Variants in ASAP2 observed in about 807,000 individuals in gnomAD.
The protein encoded by ASAP2 is arf-GAP with SH3 domain, ANK repeat and PH domain-containing protein 2.
In ASAP2, 45 loss-of-function variants were observed where a neutral mutation model predicts 131.4. The observed-to-expected ratio is 0.34, with a 90% CI of 0.27 to 0.44. The LOEUF (loss-of-function observed/expected upper bound fraction) is 0.44. Ranked by LOEUF, ASAP2 falls within the 20% of genes least tolerant of loss-of-function variation. ASAP2 has a pLI of 1.00. For missense variants in ASAP2, 1,011 were observed against 1,297.0 expected (o/e 0.78, Z 3.39); for synonymous variants, 510 against 503.0 (o/e 1.01, Z -0.19).
Position 9,232,507 on chromosome 2 carries a change from C to T in ASAP2, c.126+25277C>T, listed in dbSNP as rs142056804. 5.3e-4 allele frequency among the ~76,000 whole-genome samples: 81 copies of T among 152,334 alleles called. No homozygotes were observed. The highest frequency in any genetic ancestry group is 1.9e-3 in the African/African-American group (81 of 41,570). On this transcript the variant is annotated intron_variant, in intron 1 of 27. Coordinates refer to ENST00000281419, the MANE Select transcript of ASAP2 (RefSeq NM_003887.3). This position sits in a 1 kb window ranked among gnomAD's most constrained non-coding sequence, Gnocchi z 4.1. ...GATCTTGGAAGTGCAGAGAACTTGT[C>T]TGATTTGTTTAACCACCTCACTTAG...
intron 1 of ASAP2, among the ~76,000 whole-genome samples, chr2:9,258,184 T>C (rs1364858936): frequency 1.3e-5 from 2 of 151,832 alleles, no homozygotes; most frequent in East Asian, 3.9e-4. Flanking sequence ...TCATTAAAAA[T>C]TACCTTTGGC....
intron 9 of ASAP2, among the ~76,000 whole-genome samples, chr2:9,336,652 A>C (rs1671223810): frequency 6.6e-6 from 1 of 152,222 alleles, no homozygotes; most frequent in Non-Finnish European, 1.5e-5. Context: ...ATTTAGTGCT[A>C]GAAAGGACCT....
At chr2:9,285,648 C>T (rs1667413432) in intron 2 of ASAP2, among the ~76,000 whole-genome samples, 1 of 152,186 alleles carries the variant, frequency 6.6e-6, no homozygotes, top group South Asian at 2.1e-4. Flanking sequence ...GTGTTCCTTC[C>T]ACACCCCAGG....
intron 24 of ASAP2, among the ~76,000 whole-genome samples, chr2:9,396,856 G>A (rs547332677): frequency 2.0e-4 from 31 of 152,262 alleles, no homozygotes; most frequent in Non-Finnish European, 3.2e-4. Flanking sequence ...ACAAAAATTA[G>A]CCGGGCATGA....
Position 9,378,971 on chromosome 2 carries a change from A to T in ASAP2, c.1860A>T (p.Lys620Asn). 1.3e-6 allele frequency: 2 copies of T among 1,516,682 alleles called. No individual in the cohort carries two copies. The highest frequency in any genetic ancestry group is 1.8e-6 in the Non-Finnish European group (2 of 1,127,946). 94.0% of individuals were successfully genotyped at this position (1,516,682 alleles called of 1,614,324 possible). A position where few individuals can be genotyped will look rare whatever the true frequency, so the allele number is the denominator to read the frequency against. ...GGAACCTGGATAAACAGACAGGGAA[A>T]GGCAGCACAGCCCTGCACTACTGCT... ...NSGNLDKQTGKGSTALHYCCL... is the reference protein window; with the variant it reads ...NSGNLDKQTGNGSTALHYCCL... The change falls in exon 19 of 28, where the codon AAA (lysine) becomes AAT (asparagine). Residue 620 changes from lysine (K) to asparagine (N), a missense_variant. By Grantham distance (94) the Lys-to-Asn change is moderately conservative. Coordinates refer to ENST00000281419, the MANE Select transcript of ASAP2 (RefSeq NM_003887.3).
chr2:9,275,494 C>T (rs1401790439), intron 1 of ASAP2, among the ~76,000 whole-genome samples: 1 of 152,214 alleles, frequency 6.6e-6, no homozygotes, highest in African/African-American at 2.4e-5. Flanking sequence ...GCACAGATCT[C>T]CCTGGCTGGC....
intron 1 of ASAP2, among the ~76,000 whole-genome samples, chr2:9,278,504 C>A (rs1666902258): frequency 1.4e-5 from 2 of 138,282 alleles, no homozygotes; most frequent in Non-Finnish European, 1.6e-5. Flanking sequence ...CAGAGCGAGA[C>A]CCCTTCTCAA....
Position 9,227,291 on chromosome 2 carries a change from G to A in ASAP2, c.126+20061G>A, listed in dbSNP as rs377103929. On this transcript the variant is annotated intron_variant, in intron 1 of 27. Coordinates refer to ENST00000281419, the MANE Select transcript of ASAP2 (RefSeq NM_003887.3). ...TGTGAAGTGGGGGACTTGGGGTTGT[G>A]CGCCCCTGTGCCCTGCAGTGCCTGA... 5.9e-4 allele frequency among the ~76,000 whole-genome samples: 90 copies of A among 152,264 alleles called. 1 individual carries two copies. Among genetic ancestry groups the A allele is most frequent in the African/African-American group, 2.0e-3 (82 of 41,546 alleles).
chr2:9,273,219 T>G (rs1558286283), intron 1 of ASAP2, among the ~76,000 whole-genome samples: 1 of 152,238 alleles, frequency 6.6e-6, no homozygotes, highest in Non-Finnish European at 1.5e-5. Flanking sequence ...CTCTTCAATT[T>G]CTTACATCAT....
At chr2:9,254,221 AAAAAAAAAAAAAAAAATATAT>A in intron 1 of ASAP2, among the ~76,000 whole-genome samples, 1 of 103,286 alleles carries the variant, frequency 9.7e-6, no homozygotes, top group South Asian at 2.8e-4. Flanking sequence ...AAAAAAAAAA[AAAAAAAAAAAAAAAAATATAT>A]ATATATATAT....
intron 24 of ASAP2, among the ~76,000 whole-genome samples, chr2:9,398,522 C>G (rs1351412515): frequency 6.6e-6 from 1 of 151,282 alleles, no homozygotes; most frequent in Admixed American, 6.6e-5. Context: ...AAAACAAACA[C>G]AAAGGCCAGG....
At chr2:9,379,152 A>G in intron 19 of ASAP2, 93 bp downstream of exon 19, 1 of 821,054 alleles carries the variant, frequency 1.2e-6, no homozygotes. Flanking sequence ...AAACAGGGCC[A>G]ACCCTGTGGG....
chr2:9,400,248 CTTCCCCTCCTGCCCT>C (rs1676530826), intron 25 of ASAP2, among the ~76,000 whole-genome samples, 176 bp downstream of exon 25: 1 of 103,746 alleles, frequency 9.6e-6, no homozygotes, highest in Non-Finnish European at 1.7e-5. Context: ...CTCCTGCCCC[CTTCCCCTCCTGCCCT>C]CTTCCTCTCC....
intron 1 of ASAP2, among the ~76,000 whole-genome samples, chr2:9,238,787 C>T (rs1446235007): frequency 6.6e-6 from 1 of 152,150 alleles, no homozygotes; most frequent in Non-Finnish European, 1.5e-5. Flanking sequence ...ACCATTATGA[C>T]CTAAAACACC....
intron 24 of ASAP2, among the ~76,000 whole-genome samples, chr2:9,396,508 C>T (rs565223700): frequency 1.4e-3 from 208 of 152,224 alleles, no homozygotes; most frequent in African/African-American, 4.5e-3. Context: ...AACTCCTGGG[C>T]TCAAGCAGTC....
At chr2:9,248,821 T>C (rs1664512419) in intron 1 of ASAP2, among the ~76,000 whole-genome samples, 1 of 152,194 alleles carries the variant, frequency 6.6e-6, no homozygotes, top group Non-Finnish European at 1.5e-5. Context: ...CCTAGTTTTT[T>C]AGTGTCTCTG....
In ASAP2 at chr2:9,346,550, AT is replaced by A. The variant is rs545018196; in HGVS notation, c.1023+1752del. ...CTGTCTTTAATATTAGGAATGTTAG[AT>A]TAGATGAGACTAGGCACCCTTCTAA... On this transcript the variant is annotated intron_variant, in intron 11 of 27. Coordinates refer to ENST00000281419, the MANE Select transcript of ASAP2 (RefSeq NM_003887.3). Among the ~76,000 whole-genome samples, 838 of 152,280 alleles carry A rather than the reference AT, an allele frequency of 5.5e-3. 7 individuals carry two copies. The highest frequency in any genetic ancestry group is 0.024 in the South Asian group (114 of 4,822).
In ASAP2 at chr2:9,388,177, A is replaced by T; in HGVS notation, c.2131-117A>T. 2 of 1,342,248 alleles carry T rather than the reference A, an allele frequency of 1.5e-6. 1 individual carries two copies. The highest frequency in any genetic ancestry group is 2.8e-5 in the South Asian group (2 of 71,920). 83.1% of individuals were successfully genotyped at this position (1,342,248 alleles called of 1,614,324 possible). ...TCTCAGGCAACAGTTGAGAGCTCAA[A>T]TGGTACCAGGCCCAGCAGAGTTGGT... On this transcript the variant is annotated intron_variant, in intron 21 of 27. Coordinates refer to ENST00000281419, the MANE Select transcript of ASAP2 (RefSeq NM_003887.3).
chr2:9,379,808 A>G (rs1053035901), intron 19 of ASAP2, among the ~76,000 whole-genome samples: 1 of 152,102 alleles, frequency 6.6e-6, no homozygotes, highest in Non-Finnish European at 1.5e-5. Flanking sequence ...TCTGGCCAAC[A>G]TGGTGAAACC....
Sources: allele counts gnomAD v4.1 joint callset (sites outside exome capture counted in the v4.1 genomes callset), GRCh38; gene constraint gnomAD v4.1.1; non-coding constraint Gnocchi (gnomAD v3.1); transcripts MANE v1.5; gene names NCBI Gene and HGNC (gene_info 2026-07-23, HGNC 2026-07-21).